DMD: variants seen among roughly 807,000 people sequenced by gnomAD.
DMD encodes the protein dystrophin, also known as mutant dystrophin.
Under a neutral mutation model 330.1 loss-of-function variants are expected in DMD, and 63 were observed. The ratio of observed to expected loss-of-function variants is 0.19; its 90% CI spans 0.16 to 0.24. DMD has a LOEUF of 0.24. Among genes scored for constraint, DMD ranks in the 10% least tolerant of loss-of-function variants. The pLI is 1.00. For missense variants in DMD, 3,344 were observed against 2,684.1 expected, an observed-to-expected ratio of 1.25 and a Z score of -5.43; for synonymous variants, 1,223 against 959.8, an observed-to-expected ratio of 1.27 and a Z score of -5.07.
At chrX:31,561,069 C>T (rs1036851713) in intron 55 of DMD, among the ~76,000 whole-genome samples, 2 of 111,939 alleles carry the variant, frequency 1.8e-5, no homozygotes, top group Admixed American at 1.9e-4. Context: ...TTCTTAGACA[C>T]GGCCCAGCAT....
intron 48 of DMD, among the ~76,000 whole-genome samples, chrX:31,859,778 G>C (rs1405894418): frequency 8.9e-6 from 1 of 112,617 alleles, no homozygotes; most frequent in Non-Finnish European, 1.9e-5. Flanking sequence ...GTTGTTTTAA[G>C]TATTGCAAAT....
intron 21 of DMD, among the ~76,000 whole-genome samples, chrX:32,477,475 T>C (rs2041358477): frequency 9.1e-6 from 1 of 109,616 alleles, no homozygotes; most frequent in African/African-American, 3.3e-5. Context: ...AGGGAGGGGC[T>C]AAAGGGAAAA....
At position 32,175,220 on chromosome X, in the gene DMD, T is replaced by C. The variant is rs1437824594; in HGVS notation, c.6438+41696A>G. Among the ~76,000 whole-genome samples the C allele has an allele frequency of 2.7e-5, 3 of 111,151 alleles. 1 individual carries two copies. The highest frequency in any genetic ancestry group is 5.7e-5 in the Non-Finnish European group (3 of 53,044). On this transcript the variant is annotated intron_variant, in intron 44 of 78. Transcript: ENST00000357033. The stretch of plus-strand genomic sequence containing the variant: ...GGTCGAGTGGGGACTTGGGGAACTT[T>C]TCTGTCTTACAAGAGGATTGTAAAA...
intron 19 of DMD, among the ~76,000 whole-genome samples, chrX:32,496,530 C>T (rs1036827932): frequency 8.9e-6 from 1 of 111,761 alleles, no homozygotes; most frequent in African/African-American, 3.3e-5. Flanking sequence ...AGCCCTTTTG[C>T]GTTTTTATTT....
At chrX:32,184,285 T>C (rs1326245181) in intron 44 of DMD, among the ~76,000 whole-genome samples, 1 of 110,955 alleles carries the variant, frequency 9.0e-6, no homozygotes, top group Admixed American at 9.7e-5. Context: ...TAAAATTTGA[T>C]AAACATAAAA....
At chrX:31,494,235 T>C (rs1379951549) in intron 57 of DMD, among the ~76,000 whole-genome samples, 1 of 110,206 alleles carries the variant, frequency 9.1e-6, no homozygotes, top group Non-Finnish European at 1.9e-5. Flanking sequence ...GAAAAGGTAC[T>C]GTACCAGACA....
At chrX:32,714,549 T>TC (rs2065498378) in intron 7 of DMD, among the ~76,000 whole-genome samples, 1 of 111,522 alleles carries the variant, frequency 9.0e-6, no homozygotes, top group Non-Finnish European at 1.9e-5. Flanking sequence ...CACCACATTA[T>TC]CTTTATCTAC....
intron 4 of DMD, among the ~76,000 whole-genome samples, chrX:32,840,042 T>G (rs1472742686): frequency 1.8e-5 from 2 of 112,260 alleles, no homozygotes. Flanking sequence ...GTGTTATTGT[T>G]CAGCCACAGG....
chrX:32,791,704 T>A (rs924050730), intron 7 of DMD, among the ~76,000 whole-genome samples: 3 of 111,740 alleles, frequency 2.7e-5, no homozygotes, highest in South Asian at 3.7e-4. Flanking sequence ...CAAAAAATTT[T>A]AAAAAAATGA....
intron 43 of DMD, among the ~76,000 whole-genome samples, chrX:32,269,610 T>C (rs1220333665): frequency 9.0e-6 from 1 of 111,585 alleles, no homozygotes; most frequent in Non-Finnish European, 1.9e-5. Context: ...ATATACCGAC[T>C]ATATAGTAAG....
intron 1 of DMD, among the ~76,000 whole-genome samples, chrX:33,115,528 T>C (rs1013202833): frequency 4.6e-5 from 5 of 109,230 alleles, no homozygotes; most frequent in African/African-American, 1.7e-4. Flanking sequence ...TTTTTTTTTT[T>C]CGAGATGGAG....
At position 32,679,902 on chromosome X, in the gene DMD, CTTTTTTTTTTTTTTTTT is replaced by C. The variant is rs766270656; in HGVS notation, c.960+17951_960+17967del. On this transcript the variant is annotated intron_variant, in intron 9 of 78. Coordinates refer to ENST00000357033, the MANE Select transcript of DMD (RefSeq NM_004006.3). ...TGTTCGTTTCGCTCTAATATTTGTACTTTTTTTTTTTTTTTTTTTTTTTTTTTTTTGAGACGGAGTCT... is the reference window on the plus strand; with the variant it reads ...TGTTCGTTTCGCTCTAATATTTGTACTTTTTTTTTTTTTGAGACGGAGTCT... 4.8e-3 allele frequency among the ~76,000 whole-genome samples: 113 copies of C among 23,598 alleles called. 1 individual carries two copies. Among genetic ancestry groups the C allele is most frequent in the Non-Finnish European group, 7.8e-3 (108 of 13,801 alleles). The allele number at this position is 23,598 out of a possible 115,157, so 20.5% of individuals were successfully genotyped here. A position where few individuals can be genotyped will look rare whatever the true frequency, so the allele number is the denominator to read the frequency against.
In DMD at chrX:31,235,626, T is replaced by C. The variant is rs145347612; in HGVS notation, c.9287-12505A>G. Among the ~76,000 whole-genome samples the C allele has an allele frequency of 1.8e-4, 20 of 112,224 alleles. No homozygotes were observed. In the East Asian group the frequency reaches 4.7e-3, roughly 27 times the overall value. Reference sequence around the variant, plus strand: ...AGATTCTGAAAGGAACTTCCTTGCTTTTACCAGGTTTAAGCTGTCGATGAC... The same window carrying C: ...AGATTCTGAAAGGAACTTCCTTGCTCTTACCAGGTTTAAGCTGTCGATGAC... On this transcript the variant is annotated intron_variant, in intron 63 of 78. Transcript: ENST00000357033.
At chrX:32,497,071 G>C (rs1467320663) in intron 19 of DMD, among the ~76,000 whole-genome samples, 1 of 111,760 alleles carries the variant, frequency 8.9e-6, no homozygotes, top group African/African-American at 3.2e-5. Flanking sequence ...TTTTAGCTTT[G>C]AGATGAGCCA....
At chrX:31,861,190 C>A (rs1017886568) in intron 48 of DMD, among the ~76,000 whole-genome samples, 2 of 111,528 alleles carry the variant, frequency 1.8e-5, no homozygotes, top group Non-Finnish European at 3.8e-5. Context: ...GATTCTGCAA[C>A]ACATGAAAAA....
intron 9 of DMD, among the ~76,000 whole-genome samples, chrX:32,667,178 G>A (rs2061357396): frequency 9.0e-6 from 1 of 111,206 alleles, no homozygotes; most frequent in South Asian, 3.8e-4. Context: ...TGACATCAAT[G>A]AGCTCTAGAA....
At chrX:32,071,573 G>T (rs112436284) in intron 44 of DMD, among the ~76,000 whole-genome samples, 1 of 106,301 alleles carries the variant, frequency 9.4e-6, no homozygotes, top group Non-Finnish European at 1.9e-5. Context: ...ACGAGTTAAT[G>T]GGTGCAGCAC....
At chrX:33,042,309 A>G (rs1343358119) in intron 1 of DMD, among the ~76,000 whole-genome samples, 1 of 111,701 alleles carries the variant, frequency 9.0e-6, no homozygotes, top group East Asian at 2.8e-4. Context: ...CACATTTTCA[A>G]TATATAATTC....
At chrX:33,023,842 CT>C (rs1211792284) in intron 1 of DMD, among the ~76,000 whole-genome samples, 1 of 111,135 alleles carries the variant, frequency 9.0e-6, no homozygotes, top group Non-Finnish European at 1.9e-5. Context: ...GTTCACTGAC[CT>C]CCTTGCAGAA....
Sources: allele counts gnomAD v4.1 joint callset (sites outside exome capture counted in the v4.1 genomes callset), GRCh38; gene constraint gnomAD v4.1.1; transcripts MANE v1.5; gene names NCBI Gene and HGNC (gene_info 2026-07-23, HGNC 2026-07-21).